Variants in SPATA6 observed in about 807,000 individuals in gnomAD.
The protein encoded by SPATA6 is spermatogenesis associated 6.
A neutral mutation model predicts 65.3 loss-of-function variants in SPATA6; 56 were observed. The observed-to-expected ratio is 0.86, with a 90% CI of 0.69 to 1.07. SPATA6 has a LOEUF of 1.07. SPATA6 is among the 50% of genes least tolerant of loss of function. SPATA6 has a pLI of 0.00. For missense variants in SPATA6, 590 were observed against 594.8 expected, an observed-to-expected ratio of 0.99 and a Z score of 0.08; for synonymous variants, 199 against 213.2, an observed-to-expected ratio of 0.93 and a Z score of 0.58.
chr1:48,442,597 G>A (rs1426223132), intron 3 of SPATA6, among the ~76,000 whole-genome samples: 2 of 149,636 alleles, frequency 1.3e-5, no homozygotes, highest in Non-Finnish European at 3.0e-5. Flanking sequence ...GTCAGAGAAA[G>A]AGAGAGAGAG....
intron 3 of SPATA6, among the ~76,000 whole-genome samples, chr1:48,443,161 G>C (rs1294076173): frequency 6.6e-6 from 1 of 152,218 alleles, no homozygotes; most frequent in Non-Finnish European, 1.5e-5. Context: ...ACAGAATCAG[G>C]AGGGAGCCAT....
At chr1:48,279,497 T>C in the SPATA6 span, among the ~76,000 whole-genome samples, 736 of 151,404 alleles carry the variant, frequency 4.9e-3, 1 homozygote, top group Middle Eastern at 0.014. Flanking sequence ...ATCTACCAAG[T>C]AAATGGAAAA....
intron 6 of SPATA6, 58 bp from the exon 7 acceptor site, chr1:48,399,702 G>A: frequency 6.9e-7 from 1 of 1,446,008 alleles, no homozygotes; most frequent in East Asian, 2.4e-5. Context: ...ATTCCTGTTG[G>A]TGGGGAAAAA....
chr1:48,351,848 T>A lies in SPATA6; in HGVS notation c.1194+3822A>T, dbSNP rs539821535. Among the ~76,000 whole-genome samples, 78 of 152,206 alleles carry A rather than the reference T, an allele frequency of 5.1e-4. 2 individuals carry two copies. In the South Asian group the frequency reaches 0.016, roughly 31 times the overall value. ...TTTTCAGGGATGTGCAAGACTGGTA[T>A]TGTGTTCTCCTTAAATTTTGTTTGG... On this transcript the variant is annotated intron_variant, in intron 11 of 12. Transcript: ENST00000371847.
At chr1:48,315,029 C>T (rs556002509) in intron 11 of SPATA6, among the ~76,000 whole-genome samples, 3 of 152,128 alleles carry the variant, frequency 2.0e-5, no homozygotes, top group Non-Finnish European at 4.4e-5. Context: ...ATAACAGGCT[C>T]TGAAATTGAG....
intron 1 of SPATA6, among the ~76,000 whole-genome samples, chr1:48,454,732 T>A (rs1017661800): frequency 6.6e-6 from 1 of 152,108 alleles, no homozygotes; most frequent in African/African-American, 2.4e-5. Context: ...TAGCTTTGAG[T>A]TTTTTATATG....
chr1:48,438,318 C>T (rs1208054535), intron 3 of SPATA6, among the ~76,000 whole-genome samples: 3 of 152,132 alleles, frequency 2.0e-5, no homozygotes, highest in African/African-American at 7.2e-5. Flanking sequence ...ACCCCTTTTG[C>T]TTACTATTCT....
intron 9 of SPATA6, among the ~76,000 whole-genome samples, chr1:48,378,672 C>G (rs1648205178): frequency 6.6e-6 from 1 of 152,136 alleles, no homozygotes; most frequent in African/African-American, 2.4e-5. Context: ...ATGAGAATAA[C>G]ATGGGAAAGA....
At chr1:48,378,579 T>C (rs1320119487) in intron 9 of SPATA6, among the ~76,000 whole-genome samples, 1 of 152,066 alleles carries the variant, frequency 6.6e-6, no homozygotes, top group Non-Finnish European at 1.5e-5. Flanking sequence ...TCTTACATGA[T>C]GGTGGAAAGA....
chr1:48,284,454 T>C, the SPATA6 span, among the ~76,000 whole-genome samples: 1 of 152,200 alleles, frequency 6.6e-6, no homozygotes, highest in African/African-American at 2.4e-5. Flanking sequence ...TCATTCTCCA[T>C]CCAGTTTTGT....
downstream of SPATA6, among the ~76,000 whole-genome samples, chr1:48,290,558 GATA>G (rs1644759935): frequency 6.6e-6 from 1 of 152,018 alleles, no homozygotes; most frequent in Non-Finnish European, 1.5e-5. Context: ...TGGCAAATTG[GATA>G]AAGAGTCAAG....
chr1:48,390,451 A>G (rs1649936723), intron 8 of SPATA6, among the ~76,000 whole-genome samples: 1 of 152,246 alleles, frequency 6.6e-6, no homozygotes, highest in Admixed American at 6.5e-5. Context: ...GTAGCTTAAC[A>G]GGTACAAACA....
At chr1:48,277,912 C>G in the SPATA6 span, among the ~76,000 whole-genome samples, 2 of 152,370 alleles carry the variant, frequency 1.3e-5, no homozygotes, top group Admixed American at 6.5e-5. Context: ...CAATGAGCAG[C>G]CTAACTGGGA....
chr1:48,377,388 T>G (rs560563765), intron 9 of SPATA6, among the ~76,000 whole-genome samples: 2 of 152,330 alleles, frequency 1.3e-5, no homozygotes, highest in African/African-American at 4.8e-5. Context: ...ATATTTTAGT[T>G]GCTTAGCCAC....
At chr1:48,400,388 T>C (rs1651052882) in intron 6 of SPATA6, among the ~76,000 whole-genome samples, 1 of 152,002 alleles carries the variant, frequency 6.6e-6, no homozygotes, top group African/African-American at 2.4e-5. Flanking sequence ...ATTCTAACTT[T>C]TTTATTATTA....
At chr1:48,418,833 G>C (rs554444719) in intron 3 of SPATA6, among the ~76,000 whole-genome samples, 6 of 144,476 alleles carry the variant, frequency 4.2e-5, no homozygotes, top group Non-Finnish European at 9.1e-5. Flanking sequence ...GGGAGGGAAA[G>C]AGAGAGAGAG....
chr1:48,436,606 C>T (rs1228506248), intron 3 of SPATA6: 1 of 1,613,664 alleles, frequency 6.2e-7, no homozygotes, highest in Non-Finnish European at 8.5e-7. Context: ...TAAGCATGGA[C>T]AGAGGCATAG....
chr1:48,347,985 G>A (rs778363598), intron 11 of SPATA6, among the ~76,000 whole-genome samples: 1 of 151,854 alleles, frequency 6.6e-6, no homozygotes, highest in South Asian at 2.1e-4. Context: ...AAAAACCCTA[G>A]CCTCTGAATT....
chr1:48,288,653 T>A, the SPATA6 span, among the ~76,000 whole-genome samples: 3 of 152,192 alleles, frequency 2.0e-5, no homozygotes, highest in Non-Finnish European at 4.4e-5. Flanking sequence ...ACCCTAAGAC[T>A]GTGCTTTTCC....
Sources: gnomAD v4.1 joint callset for allele counts (sites outside exome capture counted in the v4.1 genomes callset) on GRCh38, gnomAD v4.1.1 for gene constraint, MANE v1.5 for transcripts, NCBI Gene and HGNC (gene_info 2026-07-23, HGNC 2026-07-21) for gene names.